The following MBNL2 variants were observed in gnomAD, a reference collection of about 807,000 sequenced individuals.
MBNL2 encodes muscleblind-like protein 2.
MBNL2 carries 17 observed loss-of-function variants against 41.9 expected under a neutral mutation model. That is an observed-to-expected ratio of 0.41 (90% CI 0.28 to 0.61). MBNL2 has a LOEUF of 0.61. Among genes scored for constraint, MBNL2 ranks in the 20% least tolerant of loss-of-function variants. MBNL2 has a pLI of 0.35. For missense variants in MBNL2, 336 were observed against 505.6 expected (o/e 0.66, Z 3.22); for synonymous variants, 195 against 182.9 (o/e 1.07, Z -0.53).
At chr13:97,264,228 C>T (rs2049268928) in intron 1 of MBNL2, among the ~76,000 whole-genome samples, 2 of 151,490 alleles carry the variant, frequency 1.3e-5, no homozygotes, top group South Asian at 2.1e-4. Context: ...GGAGTTTCAC[C>T]GTGTTAGCCA....
the MBNL2 span, among the ~76,000 whole-genome samples, chr13:97,159,158 CTT>C: frequency 3.2e-4 from 49 of 152,200 alleles, 1 homozygote; most frequent in Admixed American, 1.3e-4. Flanking sequence ...TAATGGCCTT[CTT>C]TGTCTCTTTT....
intron 8 of MBNL2, among the ~76,000 whole-genome samples, chr13:97,376,564 C>T (rs2064984332): frequency 1.3e-5 from 2 of 152,096 alleles, no homozygotes; most frequent in Admixed American, 1.3e-4. Flanking sequence ...ATCATTGCTC[C>T]CCTTGCTCTG....
Position 97,331,405 on chromosome 13 carries a change from C to G in MBNL2, c.175-2871C>G, listed in dbSNP as rs184726384. ...GATTACTCCTCCATCCTCCTACCAA[C>G]GGATAGGTCCATGCAAATAATTGTT... On this transcript the variant is annotated intron_variant, in intron 2 of 8. Transcript: ENST00000679496. Among the ~76,000 whole-genome samples the G allele has an allele frequency of 3.9e-4, 60 of 152,312 alleles. 1 individual carries two copies. The South Asian group carries it at 0.011, about 29-fold the overall frequency.
the MBNL2 span, among the ~76,000 whole-genome samples, chr13:97,202,626 GTATT>G: frequency 6.6e-6 from 1 of 152,108 alleles, no homozygotes; most frequent in Non-Finnish European, 1.5e-5. Flanking sequence ...AAAAAAATAA[GTATT>G]AAATTAAAGA....
At chr13:97,260,301 T>C (rs111387887) in intron 1 of MBNL2, among the ~76,000 whole-genome samples, 67 of 152,166 alleles carry the variant, frequency 4.4e-4, no homozygotes, top group African/African-American at 1.6e-3. Context: ...AGTCAGAAAG[T>C]ATGGGGCCAG....
At chr13:97,175,345 A>G in the MBNL2 span, among the ~76,000 whole-genome samples, 1 of 152,106 alleles carries the variant, frequency 6.6e-6, no homozygotes. Context: ...TCTCTTATAC[A>G]ACGAATCCTG....
At chr13:97,263,982 C>T (rs1368649081) in intron 1 of MBNL2, among the ~76,000 whole-genome samples, 1 of 150,182 alleles carries the variant, frequency 6.7e-6, no homozygotes, top group East Asian at 2.0e-4. Context: ...AATGCAACAA[C>T]TGTGTAAACT....
chr13:97,182,519 CTGA>C, the MBNL2 span, among the ~76,000 whole-genome samples: 41 of 152,264 alleles, frequency 2.7e-4, no homozygotes, highest in South Asian at 7.7e-3. Context: ...AAGTGGAAAA[CTGA>C]TGAGACACCA....
intron 2 of MBNL2, among the ~76,000 whole-genome samples, chr13:97,293,039 CTCA>C (rs66622648): frequency 0.089 from 13,485 of 151,904 alleles, 657 homozygotes; most frequent in South Asian, 0.14. Flanking sequence ...ATTATTTTAT[CTCA>C]TCATCATTAT....
the MBNL2 span, among the ~76,000 whole-genome samples, chr13:97,154,474 C>T: frequency 4.0e-4 from 61 of 152,106 alleles, no homozygotes; most frequent in African/African-American, 1.4e-3. Flanking sequence ...ACCACCACAC[C>T]GAGCTAATTT....
intron 1 of MBNL2, among the ~76,000 whole-genome samples, chr13:97,274,701 T>G (rs1417413327): frequency 6.6e-6 from 1 of 152,186 alleles, no homozygotes; most frequent in Non-Finnish European, 1.5e-5. Context: ...TGGACTTTAG[T>G]CCTTTATTCA....
chr13:97,378,425 G>A (rs148032364), intron 8 of MBNL2, among the ~76,000 whole-genome samples: 64 of 152,324 alleles, frequency 4.2e-4, no homozygotes, highest in Non-Finnish European at 7.4e-4. Context: ...GGGAAATCCT[G>A]CCCTTCATGG....
chr13:97,354,022 TGA>T (rs1215993410), intron 5 of MBNL2, among the ~76,000 whole-genome samples: 1 of 141,076 alleles, frequency 7.1e-6, no homozygotes, highest in African/African-American at 2.8e-5. Flanking sequence ...GATTTGCAGG[TGA>T]ATTGGTCCTC....
chr13:97,173,343 G>A, the MBNL2 span, among the ~76,000 whole-genome samples: 2 of 152,214 alleles, frequency 1.3e-5, no homozygotes, highest in African/African-American at 2.4e-5. Context: ...TATGGACTAG[G>A]TCACTGTCTT....
chr13:97,238,685 G>A (rs575699429), intron 1 of MBNL2, among the ~76,000 whole-genome samples: 69 of 152,248 alleles, frequency 4.5e-4, no homozygotes, highest in Non-Finnish European at 8.4e-4. Flanking sequence ...GATTAGGTAG[G>A]GAGTGGGAGA....
the MBNL2 span, among the ~76,000 whole-genome samples, chr13:97,215,306 G>A: frequency 4.5e-4 from 69 of 152,168 alleles, no homozygotes; most frequent in Non-Finnish European, 8.4e-4. Flanking sequence ...GGCACCCTAG[G>A]AAACTGTAGT....
Position 97,392,261 on chromosome 13 carries a change from T to G in MBNL2, c.*812T>G, listed in dbSNP as rs551002176. On this transcript the variant is annotated 3_prime_UTR_variant, in exon 9 of 9. Coordinates refer to ENST00000679496, the MANE Select transcript of MBNL2 (RefSeq NM_001382683.1). ...TTGCCTGTTACAGAATAACTCTTCT[T>G]AACTAAAAACCTAGTCAAACAAGGA... is the stretch of plus-strand genomic sequence containing the variant. 1.3e-5 allele frequency: 2 copies of G among 152,678 alleles called. No homozygotes were observed. The highest frequency in any genetic ancestry group is 4.1e-4 in the South Asian group (2 of 4,826). 9.5% of individuals were successfully genotyped at this position (152,678 alleles called of 1,614,324 possible). A position where few individuals can be genotyped will look rare whatever the true frequency, so the allele number is the denominator to read the frequency against.
upstream of MBNL2, among the ~76,000 whole-genome samples, chr13:97,218,764 G>T (rs1256785740): frequency 6.6e-6 from 1 of 151,924 alleles, no homozygotes; most frequent in Non-Finnish European, 1.5e-5. Context: ...AAAGGAGAAA[G>T]AAGAGGAAGA....
At chr13:97,236,989 A>G (rs1414464126) in intron 1 of MBNL2, among the ~76,000 whole-genome samples, 1 of 152,094 alleles carries the variant, frequency 6.6e-6, no homozygotes, top group East Asian at 1.9e-4. Context: ...GGGACAGCAG[A>G]TGACAAAGCC....
Sources: gnomAD v4.1 joint callset for allele counts (sites outside exome capture counted in the v4.1 genomes callset) on GRCh38, gnomAD v4.1.1 for gene constraint, MANE v1.5 for transcripts, NCBI Gene and HGNC (gene_info 2026-07-23, HGNC 2026-07-21) for gene names.